The following ANKRD11 variants were observed in gnomAD, a reference collection of about 807,000 sequenced individuals.
ANKRD11 encodes ankyrin repeat domain-containing protein 11.
A neutral mutation model predicts 195.7 loss-of-function variants in ANKRD11; 17 were observed. The ratio of observed to expected loss-of-function variants is 0.09; its 90% CI spans 0.06 to 0.13. ANKRD11 has a LOEUF of 0.13. Among genes scored for constraint, ANKRD11 ranks in the 10% least tolerant of loss-of-function variants. ANKRD11 has a pLI of 1.00. For synonymous variants in ANKRD11, 1,953 were observed against 1,528.1 expected (o/e 1.28, Z -6.49); for missense variants, 3,735 against 3,566.1 (o/e 1.05, Z -1.21).
chr16:89,485,536 G>C (rs1245537355), intron 1 of ANKRD11, among the ~76,000 whole-genome samples: 2 of 152,086 alleles, frequency 1.3e-5, no homozygotes, highest in African/African-American at 2.4e-5. Context: ...AATAGTATCT[G>C]AATGTTTTCA....
At chr16:89,312,994 C>T (rs948774606) in intron 3 of ANKRD11, among the ~76,000 whole-genome samples, 14 of 152,302 alleles carry the variant, frequency 9.2e-5, no homozygotes, top group Admixed American at 5.9e-4. Flanking sequence ...TGCTGAGACT[C>T]GCTGGAGGGC....
intron 3 of ANKRD11, among the ~76,000 whole-genome samples, chr16:89,305,678 G>A (rs1286920554): frequency 1.6e-4 from 6 of 37,588 alleles, no homozygotes; most frequent in Non-Finnish European, 1.8e-4. Context: ...CTCCCACTCC[G>A]CAGACACGCG....
Position 89,274,628 on chromosome 16 carries a change from G to A in ANKRD11, c.7713+186C>T, listed in dbSNP as rs542315094. On this transcript the variant is annotated intron_variant, in intron 11 of 12. Coordinates refer to ENST00000301030, the MANE Select transcript of ANKRD11 (RefSeq NM_013275.6). ...TGCGGGGAGCTGTCTGCTGTCTGCT[G>A]CAGCCTTCTTGGCTCCTTTCTGAGG... The A allele has an allele frequency of 5.7e-5, 49 of 862,928 alleles. No homozygotes were observed. In the East Asian group the frequency reaches 1.1e-3, roughly 19 times the overall value. 53.5% of individuals were successfully genotyped at this position (862,928 alleles called of 1,614,324 possible).
At chr16:89,288,884 G>C (rs1204790240) in intron 6 of ANKRD11, 9 of 643,380 alleles carry the variant, frequency 1.4e-5, no homozygotes, top group South Asian at 1.1e-4. Flanking sequence ...TCCATATCTA[G>C]CTTATTAACC....
chr16:89,348,959 T>G (rs2152022928), intron 2 of ANKRD11, among the ~76,000 whole-genome samples: 1 of 149,688 alleles, frequency 6.7e-6, no homozygotes, highest in South Asian at 2.1e-4. Context: ...GAAGCCTCAT[T>G]TCTACTAAAA....
intron 4 of ANKRD11, among the ~76,000 whole-genome samples, chr16:89,295,720 G>A (rs2151820890): frequency 6.6e-6 from 1 of 152,120 alleles, no homozygotes; most frequent in South Asian, 2.1e-4. Context: ...ACCTGGCTCT[G>A]TGCAGGTGGG....
intron 1 of ANKRD11, among the ~76,000 whole-genome samples, chr16:89,451,699 G>C (rs897987064): frequency 3.2e-4 from 49 of 152,154 alleles, no homozygotes; most frequent in African/African-American, 1.1e-3. Flanking sequence ...TTACAGGCTA[G>C]AGCCACCGCA....
intron 1 of ANKRD11, among the ~76,000 whole-genome samples, chr16:89,456,137 G>C (rs1212916248): frequency 6.6e-6 from 1 of 151,984 alleles, no homozygotes; most frequent in African/African-American, 2.4e-5. Flanking sequence ...CTACCCGGGA[G>C]GCTAAGGCAG....
At chr16:89,273,007 G>A (rs1567541060) in intron 11 of ANKRD11, 1 of 150,764 alleles carries the variant, frequency 6.6e-6, no homozygotes, top group East Asian at 1.9e-4. Context: ...AAGGGTTGTG[G>A]GGGGCTGGCA....
intron 2 of ANKRD11, among the ~76,000 whole-genome samples, chr16:89,334,172 A>AAAAAGAG (rs1555545552): frequency 6.7e-6 from 1 of 148,974 alleles, no homozygotes; most frequent in African/African-American, 2.5e-5. Flanking sequence ...AAAAAAAAAA[A>AAAAAGAG]ACAGAGAGAG....
chr16:89,341,883 A>G (rs138402668), intron 2 of ANKRD11, among the ~76,000 whole-genome samples: 4,873 of 42,606 alleles, frequency 0.11, 329 homozygotes, highest in East Asian at 0.29. Flanking sequence ...GGCCCACGGC[A>G]GGAGTGCTGC....
chr16:89,292,443 T>C (rs1467724784), intron 4 of ANKRD11, among the ~76,000 whole-genome samples: 1 of 152,214 alleles, frequency 6.6e-6, no homozygotes, highest in Non-Finnish European at 1.5e-5. Flanking sequence ...AATGTGCCCG[T>C]CGATTTCCTA....
chr16:89,395,395 C>T (rs576295867), intron 2 of ANKRD11, among the ~76,000 whole-genome samples: 1 of 152,334 alleles, frequency 6.6e-6, no homozygotes, highest in African/African-American at 2.4e-5. Flanking sequence ...GGACATGGTC[C>T]GCTTGCTACT....
At chr16:89,278,222 C>T (rs1460121595) in intron 9 of ANKRD11, 1 of 333,756 alleles carries the variant, frequency 3.0e-6, no homozygotes, top group Non-Finnish European at 5.9e-6. Context: ...GGAGGCCGTG[C>T]ACAGCTCAGG....
chr16:89,284,568 A>G lies in ANKRD11; in HGVS notation c.1974T>C (p.Thr658=). The change falls in exon 9 of 13, where the codon ACT becomes ACC. Residue 658 remains threonine (T), a synonymous_variant. Coordinates refer to ENST00000301030, the MANE Select transcript of ANKRD11 (RefSeq NM_013275.6). ...TCTGCTTGGAGTCCTCATATTCGTA[A>G]GTAAAACTTTTCAACTTCAGCTCTT... ...ISQELKLKSF[T]YEYEDSKQKS... 1 of 1,614,106 alleles carries G rather than the reference A, an allele frequency of 6.2e-7. No individual in the cohort carries two copies. The highest frequency in any genetic ancestry group is 8.5e-7 in the Non-Finnish European group (1 of 1,180,028).
At chr16:89,295,704 G>T (rs576465358) in intron 4 of ANKRD11, among the ~76,000 whole-genome samples, 1 of 152,074 alleles carries the variant, frequency 6.6e-6, no homozygotes, top group African/African-American at 2.4e-5. Flanking sequence ...GGCAAACGGC[G>T]GTGGCACCTG....
intron 2 of ANKRD11, among the ~76,000 whole-genome samples, chr16:89,333,406 C>T (rs1597681734): frequency 1.3e-5 from 2 of 152,160 alleles, no homozygotes; most frequent in South Asian, 4.1e-4. Flanking sequence ...CAGGGTCCAC[C>T]GGGTGCTGTG....
intron 2 of ANKRD11, among the ~76,000 whole-genome samples, chr16:89,351,979 T>A (rs1398532179): frequency 6.6e-6 from 1 of 152,198 alleles, no homozygotes; most frequent in Non-Finnish European, 1.5e-5. Context: ...GGTGCGATCG[T>A]GGCTCACTGC....
At position 89,463,931 on chromosome 16, in the gene ANKRD11, G is replaced by A. The variant is rs567203095; in HGVS notation, c.-145+26314C>T. Among the ~76,000 whole-genome samples the A allele has an allele frequency of 3.3e-5, 5 of 152,276 alleles. No homozygotes were observed. In the South Asian group the frequency reaches 6.2e-4, roughly 19 times the overall value. ...TCTATTTACAAAAAACAATAGTACT[G>A]TAGTACTATTAGACCACAACGCTAA... is the stretch of plus-strand genomic sequence containing the variant. On this transcript the variant is annotated intron_variant, in intron 1 of 12. Transcript: ENST00000301030.
Sources: allele counts gnomAD v4.1 joint callset (sites outside exome capture counted in the v4.1 genomes callset), GRCh38; gene constraint gnomAD v4.1.1; transcripts MANE v1.5; gene names NCBI Gene and HGNC (gene_info 2026-07-23, HGNC 2026-07-21).